CDH23: variants seen among roughly 807,000 people sequenced by gnomAD.
CDH23 encodes cadherin-23.
Under a neutral mutation model 317.1 loss-of-function variants are expected in CDH23, and 189 were observed. The ratio of observed to expected loss-of-function variants is 0.60; its 90% CI spans 0.53 to 0.67. The LOEUF (loss-of-function observed/expected upper bound fraction) is 0.67, where lower values mean the gene tolerates loss of function less well. Among genes scored for constraint, CDH23 ranks in the 30% least tolerant of loss-of-function variants. The probability of loss-of-function intolerance (pLI) is 0.00; values close to 1 mark genes in which losing one functional copy is unlikely to be tolerated. For missense variants in CDH23, 4,401 were observed against 4,592.4 expected (o/e 0.96, Z 1.20); for synonymous variants, 1,839 against 1,876.8 (o/e 0.98, Z 0.52).
chr10:71,513,844 C>A (rs1409906668), intron 6 of CDH23, among the ~76,000 whole-genome samples: 1 of 152,132 alleles, frequency 6.6e-6, no homozygotes, highest in Non-Finnish European at 1.5e-5. Flanking sequence ...AGCACCTTAT[C>A]GTTCTTTGCA....
chr10:71,659,778 A>G (rs1404851225), intron 14 of CDH23, among the ~76,000 whole-genome samples: 1 of 152,158 alleles, frequency 6.6e-6, no homozygotes, highest in Non-Finnish European at 1.5e-5. Flanking sequence ...CTAAGTTTGA[A>G]CCTCTCTAGA....
At chr10:71,611,645 A>T (rs1589261081) in intron 9 of CDH23, among the ~76,000 whole-genome samples, 1 of 152,162 alleles carries the variant, frequency 6.6e-6, no homozygotes, top group South Asian at 2.1e-4. Context: ...CATATAAGTC[A>T]CTTGATCAAG....
At chr10:71,681,991 T>A (rs1864672407) in intron 17 of CDH23, among the ~76,000 whole-genome samples, 1 of 152,088 alleles carries the variant, frequency 6.6e-6, no homozygotes, top group Non-Finnish European at 1.5e-5. Context: ...ACCCTGTCCT[T>A]CGAGCAGCTT....
intron 62 of CDH23, 148 bp downstream of exon 62, chr10:71,810,717 GGA>G: frequency 1.4e-6 from 1 of 721,616 alleles, no homozygotes; most frequent in South Asian, 1.8e-5. Flanking sequence ...GGCAGGGCTA[GGA>G]GAGAGAGCAG....
intron 11 of CDH23, among the ~76,000 whole-genome samples, chr10:71,620,765 C>T (rs1304093183): frequency 1.3e-5 from 2 of 152,210 alleles, no homozygotes; most frequent in Non-Finnish European, 2.9e-5. Flanking sequence ...GCCCAGGAGC[C>T]CAGGCCACCC....
chr10:71,717,551 G>A (rs910382490), intron 28 of CDH23: 10 of 152,298 alleles, frequency 6.6e-5, no homozygotes, highest in African/African-American at 2.2e-4. Context: ...ACCAGGCTGA[G>A]CTTTTGGCTC....
intron 16 of CDH23, among the ~76,000 whole-genome samples, chr10:71,678,314 A>T (rs755269522): frequency 5.9e-4 from 90 of 152,192 alleles, no homozygotes; most frequent in Non-Finnish European, 1.0e-3. Flanking sequence ...ACAGAAGGGG[A>T]ACCCAGAGGG....
chr10:71,401,822 T>G (rs1368126457), intron 1 of CDH23, among the ~76,000 whole-genome samples: 6 of 152,178 alleles, frequency 3.9e-5, no homozygotes, highest in Admixed American at 6.5e-5. Context: ...TAATGCTTGA[T>G]CTGAATGTCT....
intron 31 of CDH23, among the ~76,000 whole-genome samples, chr10:71,731,313 T>A (rs146540034): frequency 3.3e-5 from 5 of 152,282 alleles, no homozygotes; most frequent in African/African-American, 1.2e-4. Context: ...GGCTCCCAAC[T>A]CCTCTCTCAG....
chr10:71,727,690 C>T (rs542408112), intron 30 of CDH23, among the ~76,000 whole-genome samples: 18 of 152,246 alleles, frequency 1.2e-4, no homozygotes, highest in Admixed American at 2.6e-4. Flanking sequence ...CATATGCCCA[C>T]GCACACCTCC....
chr10:71,599,990 CTT>C (rs1174206523), intron 9 of CDH23, among the ~76,000 whole-genome samples: 1,114 of 109,306 alleles, frequency 0.01, 5 homozygotes, highest in African/African-American at 0.04. Context: ...AATGTCTTTC[CTT>C]TTTTTTTTTT....
At chr10:71,726,425 T>C (rs1245228967) in intron 30 of CDH23, among the ~76,000 whole-genome samples, 1 of 152,070 alleles carries the variant, frequency 6.6e-6, no homozygotes, top group African/African-American at 2.4e-5. Flanking sequence ...ACACGATGGG[T>C]CTGATTGCTC....
chr10:71,420,455 ATGATAATGATGATGG>A (rs1848720338), intron 1 of CDH23, among the ~76,000 whole-genome samples: 1 of 127,242 alleles, frequency 7.9e-6, no homozygotes, highest in Non-Finnish European at 1.7e-5. Flanking sequence ...TATGATGGTG[ATGATAATGATGATGG>A]TGATGATGAT....
intron 34 of CDH23, among the ~76,000 whole-genome samples, chr10:71,736,098 G>A (rs995677115): frequency 3.3e-5 from 5 of 152,250 alleles, no homozygotes; most frequent in African/African-American, 9.6e-5. Context: ...GTCCCCCTGC[G>A]TGGACTGCCA....
chr10:71,781,021 T>G, intron 41 of CDH23, among the ~76,000 whole-genome samples: 1 of 151,550 alleles, frequency 6.6e-6, no homozygotes. Flanking sequence ...CAGCAGGAGG[T>G]TGTGGAGGGA....
intron 38 of CDH23, among the ~76,000 whole-genome samples, chr10:71,770,976 T>C (rs1045050079): frequency 7.2e-5 from 11 of 152,196 alleles, no homozygotes; most frequent in Non-Finnish European, 1.6e-4. Flanking sequence ...TCCTAAGAGC[T>C]GACCATTGCT....
intron 11 of CDH23, among the ~76,000 whole-genome samples, chr10:71,629,242 A>G (rs1861893148): frequency 6.6e-6 from 1 of 152,224 alleles, no homozygotes; most frequent in Non-Finnish European, 1.5e-5. Flanking sequence ...ACAGATGCAA[A>G]TGATGTCAGG....
At chr10:71,702,326 G>T in intron 23 of CDH23, 115 bp downstream of exon 23, 3 of 1,242,486 alleles carry the variant, frequency 2.4e-6, no homozygotes, top group Non-Finnish European at 3.4e-6. Context: ...TGATCACCAA[G>T]AGTAGAGTAA....
At chr10:71,549,090 G>C (rs1397985522) in intron 6 of CDH23, among the ~76,000 whole-genome samples, 1 of 152,236 alleles carries the variant, frequency 6.6e-6, no homozygotes, top group African/African-American at 2.4e-5. Flanking sequence ...ACACCCAAAT[G>C]TGGATATGGC....
Sources: gnomAD v4.1 joint callset for allele counts (sites outside exome capture counted in the v4.1 genomes callset) on GRCh38, gnomAD v4.1.1 for gene constraint, MANE v1.5 for transcripts, NCBI Gene and HGNC (gene_info 2026-07-23, HGNC 2026-07-21) for gene names.